The following ROBO2 variants were observed in gnomAD, a reference collection of about 807,000 sequenced individuals.
ROBO2 encodes roundabout guidance receptor 2.
ROBO2 carries 53 observed loss-of-function variants against 160.8 expected under a neutral mutation model. That is an observed-to-expected ratio of 0.33 (90% CI 0.26 to 0.41). The LOEUF is 0.41. Among genes scored for constraint, ROBO2 ranks in the 10% least tolerant of loss-of-function variants. ROBO2 has a pLI of 1.00. For missense variants in ROBO2, 1,577 were observed against 1,722.4 expected (o/e 0.92, Z 1.49); for synonymous variants, 664 against 611.7 (o/e 1.09, Z -1.26).
chr3:76,312,518 T>C (rs142344326), intron 2 of ROBO2, among the ~76,000 whole-genome samples: 1 of 152,328 alleles, frequency 6.6e-6, no homozygotes, highest in African/African-American at 2.4e-5. Flanking sequence ...TTAGCTTAGA[T>C]GGTTGGTGCA....
At chr3:76,069,166 A>G (rs2068360820) in intron 2 of ROBO2, among the ~76,000 whole-genome samples, 1 of 152,182 alleles carries the variant, frequency 6.6e-6, no homozygotes, top group African/African-American at 2.4e-5. Flanking sequence ...TGAGCCACCT[A>G]GTTGATATTA....
intron 2 of ROBO2, among the ~76,000 whole-genome samples, chr3:76,703,673 T>C (rs1294681146): frequency 6.6e-6 from 1 of 152,120 alleles, no homozygotes; most frequent in Non-Finnish European, 1.5e-5. Context: ...TTCATCCATG[T>C]CTCTGAAAAG....
intron 2 of ROBO2, among the ~76,000 whole-genome samples, chr3:76,896,235 T>C (rs1176200292): frequency 6.6e-6 from 1 of 152,202 alleles, no homozygotes; most frequent in Non-Finnish European, 1.5e-5. Context: ...AATTCTAATA[T>C]GTCTTTTATT....
At chr3:76,891,686 TGAA>T (rs2074355415) in intron 2 of ROBO2, among the ~76,000 whole-genome samples, 1 of 152,066 alleles carries the variant, frequency 6.6e-6, no homozygotes, top group African/African-American at 2.4e-5. Context: ...TCACATGAAT[TGAA>T]GGAGGATGGA....
chr3:76,224,852 A>T (rs1704188452), intron 2 of ROBO2, among the ~76,000 whole-genome samples: 1 of 152,108 alleles, frequency 6.6e-6, no homozygotes, highest in Admixed American at 6.6e-5. Context: ...CTTAAACACG[A>T]GGTCTATAAT....
chr3:76,108,423 A>G (rs911094874), intron 2 of ROBO2, among the ~76,000 whole-genome samples: 2 of 152,022 alleles, frequency 1.3e-5, no homozygotes, highest in South Asian at 2.1e-4. Flanking sequence ...AATCTCACCA[A>G]TAAATTACAT....
At chr3:77,215,515 A>G (rs1029755704) in intron 2 of ROBO2, among the ~76,000 whole-genome samples, 4 of 151,980 alleles carry the variant, frequency 2.6e-5, no homozygotes, top group South Asian at 2.1e-4. Context: ...CTTCTTTGCC[A>G]TGGGTTTACA....
At chr3:76,022,068 A>G (rs1048045322) in intron 2 of ROBO2, among the ~76,000 whole-genome samples, 3 of 151,820 alleles carry the variant, frequency 2.0e-5, no homozygotes, top group African/African-American at 4.8e-5. Context: ...TTACAGCATC[A>G]TTACCAGGAG....
intron 2 of ROBO2, among the ~76,000 whole-genome samples, chr3:76,447,447 CTG>C (rs1439547365): frequency 2.7e-5 from 4 of 148,884 alleles, no homozygotes; most frequent in Non-Finnish European, 5.9e-5. Context: ...GTTGGTGGGA[CTG>C]TAAACTAGTT....
chr3:76,413,268 T>A (rs2075589522), intron 2 of ROBO2, among the ~76,000 whole-genome samples: 1 of 152,194 alleles, frequency 6.6e-6, no homozygotes, highest in Non-Finnish European at 1.5e-5. Context: ...CTGACATGGC[T>A]TGGAGATATT....
intron 22 of ROBO2, among the ~76,000 whole-genome samples, chr3:77,620,267 A>G (rs1318101445): frequency 6.6e-6 from 1 of 152,190 alleles, no homozygotes; most frequent in African/African-American, 2.4e-5. Flanking sequence ...AATAATTCCC[A>G]GGCTCCACCT....
At chr3:76,490,254 G>A (rs2079742405) in intron 2 of ROBO2, among the ~76,000 whole-genome samples, 2 of 152,142 alleles carry the variant, frequency 1.3e-5, no homozygotes, top group South Asian at 4.1e-4. Flanking sequence ...GCCTGTCCTC[G>A]CTGTCACAAC....
chr3:76,317,992 T>C (rs539210262), intron 2 of ROBO2, among the ~76,000 whole-genome samples: 1 of 152,186 alleles, frequency 6.6e-6, no homozygotes, highest in African/African-American at 2.4e-5. Flanking sequence ...TTTTTTAAAT[T>C]TTGACATCAA....
At chr3:76,054,395 G>T (rs181126393) in intron 2 of ROBO2, among the ~76,000 whole-genome samples, 17 of 152,278 alleles carry the variant, frequency 1.1e-4, no homozygotes, top group Admixed American at 1.0e-3. Context: ...ACTTCTAAAA[G>T]TAGTAGTCAT....
intron 2 of ROBO2, among the ~76,000 whole-genome samples, chr3:75,938,266 A>G (rs1576218085): frequency 1.3e-5 from 2 of 151,938 alleles, no homozygotes; most frequent in South Asian, 4.2e-4. Context: ...AGCTGTATGG[A>G]GTGGTTTGTG....
At chr3:76,796,103 A>G (rs1301164744) in intron 2 of ROBO2, among the ~76,000 whole-genome samples, 3 of 152,078 alleles carry the variant, frequency 2.0e-5, no homozygotes, top group Non-Finnish European at 2.9e-5. Context: ...TTAATTCTCA[A>G]GAGCCCTAGG....
chr3:75,950,112 A>C (rs1355105086), intron 2 of ROBO2, among the ~76,000 whole-genome samples: 1 of 152,062 alleles, frequency 6.6e-6, no homozygotes, highest in Non-Finnish European at 1.5e-5. Flanking sequence ...TTGTGTCTCC[A>C]ACTTGTGTTA....
chr3:76,294,061 C>T (rs1309840196), intron 2 of ROBO2, among the ~76,000 whole-genome samples: 1 of 152,190 alleles, frequency 6.6e-6, no homozygotes, highest in Non-Finnish European at 1.5e-5. Context: ...TGTGTCAGCA[C>T]TACCCCATGC....
chr3:76,387,578 CTAAT>C (rs1476032001), intron 2 of ROBO2, among the ~76,000 whole-genome samples: 14 of 151,980 alleles, frequency 9.2e-5, no homozygotes, highest in African/African-American at 3.1e-4. Context: ...AGATATGGCA[CTAAT>C]TAATTATTAT....
Sources: allele counts gnomAD v4.1 joint callset (sites outside exome capture counted in the v4.1 genomes callset), GRCh38; gene constraint gnomAD v4.1.1; transcripts MANE v1.5; gene names NCBI Gene and HGNC (gene_info 2026-07-23, HGNC 2026-07-21).